The following HS3ST5 variants were observed in gnomAD, a reference collection of about 807,000 sequenced individuals.
HS3ST5 encodes the protein heparan sulfate-glucosamine 3-sulfotransferase 5, also known as heparan sulfate glucosamine 3-O-sulfotransferase 5.
Under a neutral mutation model 25.4 loss-of-function variants are expected in HS3ST5, and 10 were observed. The observed-to-expected ratio is 0.39, with a 90% confidence interval of 0.24 to 0.67. The LOEUF is 0.67. Ranked by LOEUF, HS3ST5 falls within the 30% of genes least tolerant of loss-of-function variation. HS3ST5 has a pLI of 0.44. For missense variants in HS3ST5, 324 were observed against 420.7 expected, an observed-to-expected ratio of 0.77 and a Z score of 2.01; for synonymous variants, 170 against 162.4, an observed-to-expected ratio of 1.05 and a Z score of -0.36.
At chr6:114,096,371 A>G (rs1202074049) in intron 3 of HS3ST5, among the ~76,000 whole-genome samples, 2 of 152,200 alleles carry the variant, frequency 1.3e-5, no homozygotes, top group Admixed American at 1.3e-4. Context: ...CTTTACTGCA[A>G]TAACATTAAA....
intron 3 of HS3ST5, among the ~76,000 whole-genome samples, chr6:114,160,810 T>A (rs1024336797): frequency 6.6e-5 from 10 of 152,312 alleles, no homozygotes; most frequent in African/African-American, 2.4e-4. Flanking sequence ...TAAAATAGTA[T>A]GTTTGCCATT....
chr6:114,278,130 A>T (rs534076282), intron 1 of HS3ST5, among the ~76,000 whole-genome samples: 19 of 151,996 alleles, frequency 1.3e-4, no homozygotes, highest in Admixed American at 1.2e-3. Flanking sequence ...ATGAGGGAGG[A>T]AACCCAAAAG....
intron 3 of HS3ST5, among the ~76,000 whole-genome samples, chr6:114,146,273 G>A (rs747573336): frequency 2.6e-5 from 4 of 152,110 alleles, no homozygotes; most frequent in Non-Finnish European, 4.4e-5. Flanking sequence ...AGTACTTTTT[G>A]TTTTTTAAAG....
At chr6:114,171,543 T>C (rs752651367) in intron 2 of HS3ST5, among the ~76,000 whole-genome samples, 6 of 152,186 alleles carry the variant, frequency 3.9e-5, no homozygotes, top group Non-Finnish European at 8.8e-5. Context: ...TTGATGATGA[T>C]TGCTATAATT....
intron 3 of HS3ST5, among the ~76,000 whole-genome samples, chr6:114,117,389 G>A (rs1396054488): frequency 6.6e-6 from 1 of 152,080 alleles, no homozygotes; most frequent in African/African-American, 2.4e-5. Flanking sequence ...ATATGGGTTT[G>A]AATTTGTCAT....
chr6:114,234,959 C>T lies in HS3ST5; in HGVS notation c.-338-6181G>A, dbSNP rs571207075. Among the ~76,000 whole-genome samples, 54 of 152,182 alleles carry T rather than the reference C, an allele frequency of 3.5e-4. 1 individual carries two copies. In the South Asian group the frequency reaches 6.6e-3, roughly 19 times the overall value. ...TCAACATGGTGAAACCCTGTCTCTA[C>T]TAAAAATATAAAAATTAGCCGGGTG... On this transcript the variant is annotated intron_variant, in intron 1 of 4. Transcript: ENST00000312719.
intron 3 of HS3ST5, among the ~76,000 whole-genome samples, chr6:114,067,111 C>G (rs190951272): frequency 1.1e-3 from 166 of 152,070 alleles, no homozygotes; most frequent in African/African-American, 3.9e-3. Flanking sequence ...GATATCTTTC[C>G]TATGTCTCCT....
At chr6:114,084,627 G>C (rs1774686377) in intron 3 of HS3ST5, 1 of 822,252 alleles carries the variant, frequency 1.2e-6, no homozygotes, top group Non-Finnish European at 2.1e-6. Flanking sequence ...ATGCTAGGTA[G>C]GTTAACATAA....
At chr6:114,215,028 A>C (rs1781685084) in intron 2 of HS3ST5, among the ~76,000 whole-genome samples, 1 of 152,176 alleles carries the variant, frequency 6.6e-6, no homozygotes. Context: ...ACTCAGGGCC[A>C]GGCGCGGTGG....
chr6:114,081,785 T>C (rs938534979), intron 3 of HS3ST5, among the ~76,000 whole-genome samples: 1 of 152,232 alleles, frequency 6.6e-6, no homozygotes, highest in Non-Finnish European at 1.5e-5. Context: ...CTGTTTTAGA[T>C]AATATTTGTT....
At position 114,278,389 on chromosome 6, in the gene HS3ST5, T is replaced by C. The variant is rs374557442; in HGVS notation, c.-338-49611A>G. On this transcript the variant is annotated intron_variant, in intron 1 of 4. Transcript: ENST00000312719. ...ATAATTTTGCTTGCAAATTTAACAA[T>C]TCTTAGAAGGTTAGAGTCAAAAAGA... Among the ~76,000 whole-genome samples the C allele has an allele frequency of 1.9e-3, 291 of 152,088 alleles. 1 individual carries two copies. The highest frequency in any genetic ancestry group is 7.3e-3 in the Admixed American group (111 of 15,264).
chr6:114,255,290 A>C (rs1466489084), intron 1 of HS3ST5, among the ~76,000 whole-genome samples: 1 of 152,232 alleles, frequency 6.6e-6, no homozygotes, highest in East Asian at 1.9e-4. Flanking sequence ...CACTGATGTA[A>C]GAGGTGGCTT....
intron 1 of HS3ST5, among the ~76,000 whole-genome samples, chr6:114,267,199 T>C (rs1311126995): frequency 6.6e-6 from 1 of 152,186 alleles, no homozygotes; most frequent in Non-Finnish European, 1.5e-5. Context: ...GTGATAAAAA[T>C]GAGTCTATGT....
intron 3 of HS3ST5, among the ~76,000 whole-genome samples, chr6:114,073,186 C>T (rs1773926635): frequency 2.6e-5 from 4 of 152,178 alleles, no homozygotes; most frequent in South Asian, 4.1e-4. Flanking sequence ...ACCATAAAAA[C>T]CCTAGAAGAA....
At chr6:114,144,772 T>A (rs1272281097) in intron 3 of HS3ST5, among the ~76,000 whole-genome samples, 1 of 152,228 alleles carries the variant, frequency 6.6e-6, no homozygotes, top group Non-Finnish European at 1.5e-5. Flanking sequence ...TACAGTTTCC[T>A]CATCTGTAAA....
At chr6:114,320,884 A>G (rs1304208799) in intron 1 of HS3ST5, among the ~76,000 whole-genome samples, 5 of 150,356 alleles carry the variant, frequency 3.3e-5, no homozygotes, top group Non-Finnish European at 7.4e-5. Flanking sequence ...ATGGCAGTAC[A>G]TAGGAAGTGC....
At chr6:114,154,459 A>C (rs992970681) in intron 3 of HS3ST5, among the ~76,000 whole-genome samples, 6 of 152,014 alleles carry the variant, frequency 3.9e-5, no homozygotes, top group African/African-American at 1.5e-4. Context: ...GGGGTTTGAA[A>C]CCAACCTGGG....
At chr6:114,174,698 A>G (rs747689714) in intron 2 of HS3ST5, among the ~76,000 whole-genome samples, 2 of 152,106 alleles carry the variant, frequency 1.3e-5, no homozygotes, top group Non-Finnish European at 2.9e-5. Flanking sequence ...ACCTATCTCT[A>G]TAAAGCAAAA....
intron 2 of HS3ST5, among the ~76,000 whole-genome samples, chr6:114,217,870 C>T (rs764671375): frequency 1.3e-5 from 2 of 152,186 alleles, no homozygotes; most frequent in Non-Finnish European, 2.9e-5. Flanking sequence ...TACCACTAAC[C>T]TGGAAAAAGT....
Sources: allele counts gnomAD v4.1 joint callset (sites outside exome capture counted in the v4.1 genomes callset), GRCh38; gene constraint gnomAD v4.1.1; transcripts MANE v1.5; gene names NCBI Gene and HGNC (gene_info 2026-07-23, HGNC 2026-07-21).